The following GSTO2 variants were observed in gnomAD, a reference collection of about 807,000 sequenced individuals.
The protein encoded by GSTO2 is glutathione S-transferase omega-2.
A neutral mutation model predicts 28.4 loss-of-function variants in GSTO2; 23 were observed. That is an observed-to-expected ratio of 0.81 (90% CI 0.58 to 1.15). The LOEUF (loss-of-function observed/expected upper bound fraction) is 1.15. Among genes scored for constraint, GSTO2 ranks in the 50% most tolerant of loss-of-function variants. GSTO2 has a pLI of 0.00. For synonymous variants in GSTO2, 109 were observed against 111.0 expected, an observed-to-expected ratio of 0.98 and a Z score of 0.11; for missense variants, 298 against 297.8, an observed-to-expected ratio of 1.00 and a Z score of 0.00.
At chr10:104,286,333 C>G (rs1287587901) in intron 5 of GSTO2, among the ~76,000 whole-genome samples, 1 of 152,172 alleles carries the variant, frequency 6.6e-6, no homozygotes, top group African/African-American at 2.4e-5. Flanking sequence ...ATTCTAGACA[C>G]TTCATATAAG....
In GSTO2 at chr10:104,278,078, C is replaced by G. The variant is rs569241863; in HGVS notation, c.328C>G (p.Arg110Gly). 5.6e-5 allele frequency: 91 copies of G among 1,613,952 alleles called. No individual in the cohort carries two copies. Among genetic ancestry groups the G allele is most frequent in the Non-Finnish European group, 7.6e-5 (90 of 1,179,984 alleles). The part of the protein sequence containing the change: ...RKLFPYDPYE[R>G]ARQKMLLELF... ...GCTGTTTCCATATGACCCTTATGAA[C>G]GAGCTCGCCAAAAGATGTTATTGGA... The change falls in exon 4 of 7, where the codon CGA (arginine) becomes GGA (glycine). Residue 110 changes from arginine (R) to glycine (G), a missense_variant. Coordinates refer to ENST00000338595, the MANE Select transcript of GSTO2 (RefSeq NM_183239.2).
chr10:104,280,664 T>G (rs2011983280), intron 5 of GSTO2, among the ~76,000 whole-genome samples: 1 of 152,246 alleles, frequency 6.6e-6, no homozygotes, highest in South Asian at 2.1e-4. Context: ...TATCCTGTAC[T>G]TCTAGAATAA....
At chr10:104,279,839 T>C (rs74154780) in intron 5 of GSTO2, among the ~76,000 whole-genome samples, 11,862 of 152,122 alleles carry the variant, frequency 0.078, 1,553 homozygotes, top group African/African-American at 0.27. Context: ...GGGTTTACTC[T>C]CTCACATAAC....
chr10:104,297,527 A>G, intron 5 of GSTO2, 51 bp from the exon 6 acceptor site: 2 of 1,157,150 alleles, frequency 1.7e-6, no homozygotes, highest in Non-Finnish European at 2.6e-6. Flanking sequence ...GTCTATAAAC[A>G]TGTCAGCAGA....
chr10:104,297,784 C>A, intron 6 of GSTO2, 100 bp downstream of exon 6: 2 of 762,986 alleles, frequency 2.6e-6, no homozygotes, highest in Non-Finnish European at 4.4e-6. Flanking sequence ...TTCAGGATGT[C>A]TGTGAAGTGA....
chr10:104,298,099 A>T (rs2013130635), intron 6 of GSTO2, among the ~76,000 whole-genome samples: 1 of 152,356 alleles, frequency 6.6e-6, no homozygotes, highest in African/African-American at 2.4e-5. Context: ...CCCAGATAGG[A>T]ATAACCTTAT....
intron 5 of GSTO2, chr10:104,291,524 C>A (rs1171114903): frequency 6.6e-6 from 1 of 152,294 alleles, no homozygotes; most frequent in Non-Finnish European, 1.5e-5. Flanking sequence ...CTTGGGGAGC[C>A]GCGGCCGACG....
At chr10:104,277,546 A>G (rs2011706685) in intron 3 of GSTO2, among the ~76,000 whole-genome samples, 1 of 152,130 alleles carries the variant, frequency 6.6e-6, no homozygotes, top group Non-Finnish European at 1.5e-5. Flanking sequence ...CCAGCCTCCC[A>G]AAGTGCTGGG....
In GSTO2 at chr10:104,301,730, C is replaced by G. The variant is rs942578730; in HGVS notation, c.*2446C>G. ...GATAACCACTTTTAGTAATTGGTGT[C>G]TACCTTTTTTTCCCCTTTTCTTTTA... On this transcript the variant is annotated 3_prime_UTR_variant, in exon 7 of 7. Transcript: ENST00000338595. 6.6e-6 allele frequency: 1 copy of G among 152,162 alleles called. No individual in the cohort carries two copies. The highest frequency in any genetic ancestry group is 6.5e-5 in the Admixed American group (1 of 15,284). The allele number at this position is 152,162 out of a possible 1,614,324, so 9.4% of individuals were successfully genotyped here. A position where few individuals can be genotyped will look rare whatever the true frequency, so the allele number is the denominator to read the frequency against.
intron 1 of GSTO2, among the ~76,000 whole-genome samples, chr10:104,271,312 C>T (rs939788293): frequency 1.3e-4 from 20 of 152,242 alleles, no homozygotes; most frequent in African/African-American, 4.8e-4. Context: ...TTGGCAAAGC[C>T]GAATCACAGT....
intron 5 of GSTO2, among the ~76,000 whole-genome samples, chr10:104,290,600 G>A (rs893376161): frequency 6.6e-6 from 1 of 152,146 alleles, no homozygotes; most frequent in African/African-American, 2.4e-5. Context: ...GCAGCAACAT[G>A]GATGGAACTG....
intron 5 of GSTO2, among the ~76,000 whole-genome samples, chr10:104,287,224 C>A (rs1422166232): frequency 1.3e-5 from 2 of 152,124 alleles, no homozygotes; most frequent in African/African-American, 4.8e-5. Flanking sequence ...AGCTAGTTTT[C>A]TTTTTAACTT....
At chr10:104,282,072 G>C (rs1285936657) in intron 5 of GSTO2, among the ~76,000 whole-genome samples, 2 of 151,826 alleles carry the variant, frequency 1.3e-5, no homozygotes, top group African/African-American at 4.8e-5. Flanking sequence ...AGTTGATGGT[G>C]AGTAATTGAA....
intron 3 of GSTO2, among the ~76,000 whole-genome samples, 163 bp from the exon 4 acceptor site, chr10:104,277,731 G>A (rs545479430): frequency 3.0e-4 from 45 of 152,268 alleles, no homozygotes; most frequent in Admixed American, 1.6e-3. Flanking sequence ...TCTTACTGCA[G>A]GAAGGAAGAT....
intron 3 of GSTO2, among the ~76,000 whole-genome samples, chr10:104,276,014 G>T (rs575763545): frequency 6.6e-6 from 1 of 152,280 alleles, no homozygotes; most frequent in South Asian, 2.1e-4. Context: ...AGCTCCTGCA[G>T]GTCTGGATTT....
At chr10:104,294,259 T>A (rs1283545692) in intron 5 of GSTO2, among the ~76,000 whole-genome samples, 1 of 152,192 alleles carries the variant, frequency 6.6e-6, no homozygotes, top group African/African-American at 2.4e-5. Context: ...ATGATCATGG[T>A]AGAAATAAAT....
intron 5 of GSTO2, among the ~76,000 whole-genome samples, chr10:104,287,873 A>G (rs1039712227): frequency 2.7e-5 from 4 of 150,396 alleles, no homozygotes; most frequent in African/African-American, 9.8e-5. Flanking sequence ...AAGTTTTAAA[A>G]GTAGAAAAAA....
At position 104,300,132 on chromosome 10, in the gene GSTO2, G is replaced by A. The variant is rs1286272002; in HGVS notation, c.*848G>A. ...GGCCTGGAGACACCGAGGGTCTTGTGACTGGAAAGAATTCCAAAGCAGGAA... is the reference window on the plus strand; with the variant it reads ...GGCCTGGAGACACCGAGGGTCTTGTAACTGGAAAGAATTCCAAAGCAGGAA... On this transcript the variant is annotated 3_prime_UTR_variant, in exon 7 of 7. Transcript: ENST00000338595. 2 of 152,218 alleles carry A rather than the reference G, an allele frequency of 1.3e-5. No individual in the cohort carries two copies. The highest frequency in any genetic ancestry group is 2.9e-5 in the Non-Finnish European group (2 of 68,054). 9.4% of individuals were successfully genotyped at this position (152,218 alleles called of 1,614,324 possible).
intron 1 of GSTO2, among the ~76,000 whole-genome samples, chr10:104,272,587 CTTTTTTTTTTTTTTTTTTTTTTTTT>C (rs768279768): frequency 0.028 from 1,362 of 49,314 alleles, 24 homozygotes; most frequent in South Asian, 0.073. Flanking sequence ...AGTTATGGGA[CTTTTTTTTTTTTTTTTTTTTTTTTT>C]TTTTTTTTTT....
Sources: gnomAD v4.1 joint callset for allele counts (sites outside exome capture counted in the v4.1 genomes callset) on GRCh38, gnomAD v4.1.1 for gene constraint, MANE v1.5 for transcripts, NCBI Gene and HGNC (gene_info 2026-07-23, HGNC 2026-07-21) for gene names.